Variants in TRMT10B observed in about 807,000 individuals in gnomAD.
TRMT10B encodes tRNA methyltransferase 10B.
TRMT10B carries 33 observed loss-of-function variants against 43.8 expected under a neutral mutation model. The observed-to-expected ratio is 0.75, with a 90% CI of 0.57 to 1.01. TRMT10B has a LOEUF of 1.01. Ranked by LOEUF, TRMT10B falls within the 50% of genes least tolerant of loss-of-function variation. TRMT10B has a pLI of 0.00. For synonymous variants in TRMT10B, 137 were observed against 130.6 expected, an observed-to-expected ratio of 1.05 and a Z score of -0.34; for missense variants, 362 against 369.8, an observed-to-expected ratio of 0.98 and a Z score of 0.17.
chr9:37,758,199 T>A (rs1257020499), intron 1 of TRMT10B, among the ~76,000 whole-genome samples: 1 of 152,056 alleles, frequency 6.6e-6, no homozygotes, highest in East Asian at 1.9e-4. Flanking sequence ...ATTGCTTGAG[T>A]CCAGGAATTC....
At position 37,768,171 on chromosome 9, in the gene TRMT10B, A is replaced by G; in HGVS notation, c.516A>G (p.Thr172=). ...PFWICLTGFT[T]DSPLYEECVR... is the part of the protein sequence containing the mutation. ...GGATCTGCCTCACTGGATTCACAACAGACAGTCCCCTTTATGAAGAGTGTG... is the reference window on the plus strand; with the variant it reads ...GGATCTGCCTCACTGGATTCACAACGGACAGTCCCCTTTATGAAGAGTGTG... Residue 172 remains threonine, a synonymous_variant, in exon 5 of 9, where the codon ACA becomes ACG. Coordinates refer to ENST00000297994, the MANE Select transcript of TRMT10B (RefSeq NM_144964.4). 6.2e-7 allele frequency: 1 copy of G among 1,614,216 alleles called. No homozygotes were observed.
chr9:37,762,700 G>C lies in TRMT10B; in HGVS notation c.295+15G>C. On this transcript the variant is annotated intron_variant, in intron 3 of 8. Transcript: ENST00000297994. ...AGAAAATCCAGGTGACAATAAATGA[G>C]ACTGTTGGTATAATAATATTTATTT... The C allele has an allele frequency of 1.9e-6, 3 of 1,560,406 alleles. No individual in the cohort carries two copies. The highest frequency in any genetic ancestry group is 3.9e-5 in the Admixed American group (2 of 51,028).
chr9:37,758,480 A>T (rs1825952940), intron 1 of TRMT10B, among the ~76,000 whole-genome samples: 2 of 152,208 alleles, frequency 1.3e-5, no homozygotes, highest in South Asian at 4.1e-4. Context: ...CAAAGCACTT[A>T]ATTGTTTTGT....
intron 2 of TRMT10B, 109 bp from the exon 3 acceptor site, chr9:37,762,468 C>T (rs1185765839): frequency 7.0e-7 from 1 of 1,434,778 alleles, no homozygotes; most frequent in East Asian, 2.5e-5. Flanking sequence ...TCCTCTTTCT[C>T]TCCAAACTAT....
At chr9:37,756,798 ATG>A (rs570209811) in intron 1 of TRMT10B, among the ~76,000 whole-genome samples, 15 of 129,234 alleles carry the variant, frequency 1.2e-4, no homozygotes, top group East Asian at 2.1e-4. Flanking sequence ...ATACATGTGT[ATG>A]TGTATATATG....
chr9:37,767,968 G>A (rs1827169377), intron 4 of TRMT10B, 108 bp from the exon 5 acceptor site: 1 of 1,230,082 alleles, frequency 8.1e-7, no homozygotes, highest in Admixed American at 1.9e-5. Context: ...CCTAGTACAT[G>A]GGGTTTTCTG....
rs758941294 is a variant in TRMT10B, at chr9:37,777,691, G to A, written c.935G>A (p.Arg312Gln). ...TCTTCAGGAAAAGGCTATATTCTTCGGAACTCAGTGGAATGATGGGCCTAA... is the reference window on the plus strand; with the variant it reads ...TCTTCAGGAAAAGGCTATATTCTTCAGAACTCAGTGGAATGATGGGCCTAA... ...GVSSGKGYIL[R>Q]NSVE The change falls in exon 9 of 9, where the codon CGG (arginine) becomes CAG (glutamine). Residue 312 changes from arginine (R) to glutamine (Q), a missense_variant. By Grantham distance (43) the Arg-to-Gln change is conservative. Coordinates refer to ENST00000297994, the MANE Select transcript of TRMT10B (RefSeq NM_144964.4). 60 of 1,613,610 alleles carry A rather than the reference G, an allele frequency of 3.7e-5. No individual in the cohort carries two copies. The highest frequency in any genetic ancestry group is 3.3e-4 in the Middle Eastern group (2 of 6,084).
chr9:37,768,113 A>AT lies in TRMT10B; in HGVS notation c.459dup (p.Gly154TrpfsTer7). ...CTGGCTGGACAGATTCGAAGGTTGT[A>AT]TGGTTCAAACAAAAAAGCTGACAGG... On this transcript the variant is annotated frameshift_variant, in exon 5 of 9. Coordinates refer to ENST00000297994, the MANE Select transcript of TRMT10B (RefSeq NM_144964.4). LOFTEE classifies it high-confidence loss of function. The AT allele has an allele frequency of 6.2e-7, 1 of 1,614,110 alleles. No individual in the cohort carries two copies. The highest frequency in any genetic ancestry group is 8.5e-7 in the Non-Finnish European group (1 of 1,179,992).
At chr9:37,775,603 C>T (rs1424465211) in intron 7 of TRMT10B, among the ~76,000 whole-genome samples, 6 of 152,158 alleles carry the variant, frequency 3.9e-5, no homozygotes, top group Admixed American at 6.6e-5. Flanking sequence ...AGTCACAGCT[C>T]ATTGCAGCCT....
chr9:37,764,003 C>A, intron 4 of TRMT10B: 1 of 503,048 alleles, frequency 2.0e-6, no homozygotes, highest in East Asian at 4.6e-5. Flanking sequence ...ACATCTTTGC[C>A]TCTCTGTTCA....
At chr9:37,768,906 G>C (rs1827255102) in intron 5 of TRMT10B, among the ~76,000 whole-genome samples, 1 of 152,172 alleles carries the variant, frequency 6.6e-6, no homozygotes, top group Non-Finnish European at 1.5e-5. Context: ...TTTTACATAA[G>C]CCAAACAGTC....
intron 1 of TRMT10B, 90 bp downstream of exon 1, chr9:37,753,942 A>AG (rs1234544835): frequency 2.0e-5 from 3 of 152,380 alleles, no homozygotes; most frequent in Non-Finnish European, 2.9e-5. Flanking sequence ...GCGGACGTTG[A>AG]GAAAGCAGCG....
chr9:37,762,235 G>T, intron 2 of TRMT10B, 118 bp downstream of exon 2: 1 of 1,185,032 alleles, frequency 8.4e-7, no homozygotes, highest in South Asian at 1.7e-5. Context: ...TGTGTATTCT[G>T]AGTGATGAAT....
At chr9:37,770,073 T>C in intron 6 of TRMT10B, 54 bp downstream of exon 6, 1 of 1,481,748 alleles carries the variant, frequency 6.7e-7, no homozygotes, top group Non-Finnish European at 9.4e-7. Flanking sequence ...TGTTTCATTA[T>C]TCCCTGTGGC....
At chr9:37,767,124 G>C (rs1171534210) in intron 4 of TRMT10B, 1 of 152,104 alleles carries the variant, frequency 6.6e-6, no homozygotes, top group African/African-American at 2.4e-5. Flanking sequence ...TTATGTGCTA[G>C]TGTTTGCATA....
intron 1 of TRMT10B, among the ~76,000 whole-genome samples, chr9:37,756,871 TACAC>T (rs1167049123): frequency 2.6e-5 from 4 of 151,952 alleles, no homozygotes; most frequent in Non-Finnish European, 4.4e-5. Flanking sequence ...CACATATACA[TACAC>T]ACATATATAC....
chr9:37,756,028 CCTT>C (rs1163439758), intron 1 of TRMT10B, among the ~76,000 whole-genome samples: 2 of 152,178 alleles, frequency 1.3e-5, no homozygotes, highest in Non-Finnish European at 2.9e-5. Flanking sequence ...CTTTTCCCCT[CCTT>C]AGCCAGACTA....
At chr9:37,754,452 A>G (rs1204937069) in intron 1 of TRMT10B, among the ~76,000 whole-genome samples, 1 of 152,228 alleles carries the variant, frequency 6.6e-6, no homozygotes, top group Non-Finnish European at 1.5e-5. Context: ...AGTGATCTGC[A>G]TAGGTCATTG....
At chr9:37,769,059 G>A (rs1316364639) in intron 5 of TRMT10B, among the ~76,000 whole-genome samples, 3 of 151,926 alleles carry the variant, frequency 2.0e-5, no homozygotes, top group African/African-American at 7.3e-5. Flanking sequence ...TGTAATCCTT[G>A]CACTTTGGGA....
Sources: gnomAD v4.1 joint callset for allele counts (sites outside exome capture counted in the v4.1 genomes callset) on GRCh38, gnomAD v4.1.1 for gene constraint, MANE v1.5 for transcripts, NCBI Gene and HGNC (gene_info 2026-07-23, HGNC 2026-07-21) for gene names.